Variants in LRFN5 observed in about 807,000 individuals in gnomAD.
LRFN5 encodes the protein leucine rich repeat and fibronectin type III domain containing 5.
Under a neutral mutation model 45.6 loss-of-function variants are expected in LRFN5, and 24 were observed. The observed-to-expected ratio is 0.53, with a 90% CI of 0.38 to 0.74. The LOEUF is 0.74. LRFN5 is among the 30% of genes least tolerant of loss of function. The probability of loss-of-function intolerance (pLI) is 0.00; values close to 1 mark genes in which losing one functional copy is unlikely to be tolerated. For missense variants in LRFN5, 776 were observed against 861.5 expected, an observed-to-expected ratio of 0.90 and a Z score of 1.24; for synonymous variants, 340 against 313.8, an observed-to-expected ratio of 1.08 and a Z score of -0.88.
At chr14:41,890,245 C>T (rs1019195352) in intron 3 of LRFN5, among the ~76,000 whole-genome samples, 7 of 152,182 alleles carry the variant, frequency 4.6e-5, no homozygotes, top group African/African-American at 1.7e-4. Context: ...TGGAAATTTG[C>T]GGTAGCATAC....
intron 2 of LRFN5, among the ~76,000 whole-genome samples, chr14:41,882,404 C>G (rs1285017541): frequency 6.6e-6 from 1 of 152,156 alleles, no homozygotes; most frequent in Non-Finnish European, 1.5e-5. Context: ...TCCCCTCTGT[C>G]AGTCCTGATA....
At position 41,892,374 on chromosome 14, in the gene LRFN5, G is replaced by A. The variant is rs144009184; in HGVS notation, c.2098+412G>A. On this transcript the variant is annotated intron_variant, in intron 4 of 5. Transcript: ENST00000298119. ...AGGAAACATAAATAAAATGGATAAG[G>A]GAAAAAGCATGACATAGCAGCAGTG... The A allele has an allele frequency of 7.8e-5, 77 of 984,694 alleles. No individual in the cohort carries two copies. In the East Asian group the frequency reaches 7.8e-3, roughly 100 times the overall value. 61.0% of individuals were successfully genotyped at this position (984,694 alleles called of 1,614,324 possible). A position where few individuals can be genotyped will look rare whatever the true frequency, so the allele number is the denominator to read the frequency against.
rs1023480078 is a variant in LRFN5 at position 41,904,516 on chromosome 14, C to T, written c.*341C>T. On this transcript the variant is annotated 3_prime_UTR_variant, in exon 6 of 6. Coordinates refer to ENST00000298119, the MANE Select transcript of LRFN5 (RefSeq NM_152447.5). ...CTGTAGAATCTTGAATAATCTATAT[C>T]ACTTTAACAAATAAATGTTTTACTA... 30 of 223,046 alleles carry T rather than the reference C, an allele frequency of 1.3e-4. No homozygotes were observed. The highest frequency in any genetic ancestry group is 4.5e-4 in the African/African-American group (20 of 44,042). 13.8% of individuals were successfully genotyped at this position (223,046 alleles called of 1,614,324 possible). A position where few individuals can be genotyped will look rare whatever the true frequency, so the allele number is the denominator to read the frequency against.
intron 1 of LRFN5, among the ~76,000 whole-genome samples, chr14:41,704,986 G>A (rs1883004341): frequency 6.6e-6 from 1 of 152,026 alleles, no homozygotes; most frequent in South Asian, 2.1e-4. Flanking sequence ...GATGTATGTA[G>A]GCTAGTCAGC....
chr14:41,875,999 A>G (rs1269313093), intron 2 of LRFN5, among the ~76,000 whole-genome samples: 2 of 152,102 alleles, frequency 1.3e-5, no homozygotes, highest in South Asian at 2.1e-4. Flanking sequence ...GGATACATAT[A>G]TAACCTGAAA....
chr14:41,762,327 G>A lies in LRFN5; in HGVS notation c.-196-4527G>A, dbSNP rs76016499. On this transcript the variant is annotated intron_variant, in intron 1 of 5. Coordinates refer to ENST00000298119, the MANE Select transcript of LRFN5 (RefSeq NM_152447.5). ...AGGAAAGGAATGATTAGTTGTTCTCGTTTACAATGTGACATTTACATTAAG... is the reference window on the plus strand; with the variant it reads ...AGGAAAGGAATGATTAGTTGTTCTCATTTACAATGTGACATTTACATTAAG... 3.4e-3 allele frequency among the ~76,000 whole-genome samples: 521 copies of A among 152,094 alleles called. 5 individuals carry two copies. Among genetic ancestry groups the A allele is most frequent in the African/African-American group, 0.011 (446 of 41,522 alleles).
chr14:41,763,034 A>G (rs901962934), intron 1 of LRFN5, among the ~76,000 whole-genome samples: 1 of 152,192 alleles, frequency 6.6e-6, no homozygotes, highest in African/African-American at 2.4e-5. Context: ...TGAAGGGAAT[A>G]TGTGAGATAA....
At chr14:41,856,175 A>G (rs1168945704) in intron 2 of LRFN5, among the ~76,000 whole-genome samples, 1 of 152,202 alleles carries the variant, frequency 6.6e-6, no homozygotes, top group Non-Finnish European at 1.5e-5. Context: ...AATATAGCAA[A>G]TGTACTGTCA....
intron 1 of LRFN5, among the ~76,000 whole-genome samples, chr14:41,741,084 A>C (rs1307927029): frequency 6.6e-6 from 1 of 150,770 alleles, no homozygotes; most frequent in East Asian, 2.0e-4. Context: ...AACACACAAT[A>C]TAAAGATAAC....
chr14:41,833,603 T>C (rs960047868), intron 2 of LRFN5, among the ~76,000 whole-genome samples: 1 of 152,228 alleles, frequency 6.6e-6, no homozygotes, highest in African/African-American at 2.4e-5. Context: ...TTTTATGTGA[T>C]GTTTTAATGC....
intron 2 of LRFN5, among the ~76,000 whole-genome samples, chr14:41,797,919 T>A (rs908829835): frequency 2.6e-5 from 4 of 151,988 alleles, no homozygotes; most frequent in African/African-American, 9.7e-5. Context: ...AAAAATTTGT[T>A]GGTTTTATTT....
chr14:41,764,517 G>T (rs184203332), intron 1 of LRFN5, among the ~76,000 whole-genome samples: 1 of 152,208 alleles, frequency 6.6e-6, no homozygotes, highest in African/African-American at 2.4e-5. Flanking sequence ...AATTTCAGTT[G>T]TTACTGTGCT....
chr14:41,765,800 A>T (rs1885862105), intron 1 of LRFN5, among the ~76,000 whole-genome samples: 1 of 152,188 alleles, frequency 6.6e-6, no homozygotes, highest in Non-Finnish European at 1.5e-5. Flanking sequence ...TTAATTGCAC[A>T]AGTAATCTGT....
At chr14:41,796,012 A>C (rs559224021) in intron 2 of LRFN5, among the ~76,000 whole-genome samples, 22 of 152,164 alleles carry the variant, frequency 1.4e-4, no homozygotes, top group Non-Finnish European at 2.4e-4. Flanking sequence ...TGGGCATATT[A>C]CAAATAATAC....
intron 2 of LRFN5, among the ~76,000 whole-genome samples, chr14:41,823,467 G>T (rs1314886870): frequency 1.3e-5 from 2 of 151,868 alleles, no homozygotes; most frequent in Non-Finnish European, 2.9e-5. Flanking sequence ...CTGAAAATAG[G>T]ATCCTAATTT....
At chr14:41,708,173 A>G (rs1883142963) in intron 1 of LRFN5, among the ~76,000 whole-genome samples, 1 of 151,976 alleles carries the variant, frequency 6.6e-6, no homozygotes, top group African/African-American at 2.4e-5. Context: ...CATTTCTCTT[A>G]GGGATTATAT....
intron 2 of LRFN5, among the ~76,000 whole-genome samples, chr14:41,851,031 A>G (rs1456313572): frequency 6.6e-6 from 1 of 151,800 alleles, no homozygotes; most frequent in Non-Finnish European, 1.5e-5. Context: ...TGTGTGTAAC[A>G]TAGTATCTTA....
intron 1 of LRFN5, among the ~76,000 whole-genome samples, chr14:41,704,867 C>G (rs1430557603): frequency 6.6e-6 from 1 of 152,086 alleles, no homozygotes; most frequent in African/African-American, 2.4e-5. Context: ...TTATACATCT[C>G]TGGAGAAATA....
chr14:41,811,239 A>G (rs1456664905), intron 2 of LRFN5, among the ~76,000 whole-genome samples: 3 of 152,086 alleles, frequency 2.0e-5, no homozygotes, highest in Admixed American at 6.6e-5. Context: ...CTCATCCTCT[A>G]AGATGACTAC....
Sources: gnomAD v4.1 joint callset for allele counts (sites outside exome capture counted in the v4.1 genomes callset) on GRCh38, gnomAD v4.1.1 for gene constraint, MANE v1.5 for transcripts, NCBI Gene and HGNC (gene_info 2026-07-23, HGNC 2026-07-21) for gene names.